Variants in ADGRD2 observed in about 807,000 individuals in gnomAD.
The protein encoded by ADGRD2 is G protein-coupled receptor PGR24.
In ADGRD2, 71 loss-of-function variants were observed where a neutral mutation model predicts 44.4. The observed-to-expected ratio is 1.60, with a 90% CI of 1.32 to 1.95. ADGRD2 has a LOEUF of 1.95. ADGRD2 is among the 30% of genes most tolerant of loss of function. ADGRD2 has a pLI of 0.00. For missense variants in ADGRD2, 1,039 were observed against 512.4 expected, an observed-to-expected ratio of 2.03 and a Z score of -9.92; for synonymous variants, 481 against 224.8, an observed-to-expected ratio of 2.14 and a Z score of -10.19.
At chr9:124,458,078 C>T (rs953429671) in intron 8 of ADGRD2, 35 bp from the exon 12 acceptor site, 7 of 717,672 alleles carry the variant, frequency 9.8e-6, no homozygotes, top group African/African-American at 3.5e-5. Flanking sequence ...GCCCAGCCAC[C>T]GGGTGGTGCC....
intron 9 of ADGRD2, 59 bp from the exon 13 acceptor site, chr9:124,458,557 G>GCAGCCAGGCACCATCCCTCCTCCA: frequency 1.4e-6 from 1 of 699,398 alleles, no homozygotes; most frequent in Non-Finnish European, 2.7e-6. Context: ...GTGACATGCC[G>GCAGCCAGGCACCATCCCTCCTCCA]CAGCCAGGCA....
exon 10 of ADGRD2, chr9:124,458,714 G>C: frequency 2.8e-6 from 2 of 718,384 alleles, no homozygotes; most frequent in Admixed American, 2.0e-5. Flanking sequence ...CTCCAGCACC[G>C]GGCCCAGGTA....
intron 17 of ADGRD2, among the ~76,000 whole-genome samples, chr9:124,471,240 T>C (rs972304376): frequency 3.3e-5 from 5 of 151,958 alleles, no homozygotes; most frequent in African/African-American, 1.2e-4. Flanking sequence ...TCCTGGCCCC[T>C]CGTTTTCCCT....
intron 8 of ADGRD2, 107 bp from the exon 12 acceptor site, chr9:124,458,006 C>T (rs765884645): frequency 4.5e-6 from 3 of 663,240 alleles, no homozygotes; most frequent in Non-Finnish European, 8.3e-6. Context: ...CCTCTCTGAG[C>T]CTCAGTTTCC....
At chr9:124,453,455 A>G (rs915589860) in exon 3 of ADGRD2, 9 of 684,314 alleles carry the variant, frequency 1.3e-5, no homozygotes, top group East Asian at 6.0e-5. Context: ...GTGCTGGGCC[A>G]GGATCAGGAC....
intron 8 of ADGRD2, 105 bp from the exon 12 acceptor site, chr9:124,458,008 T>C (rs1225498095): frequency 1.5e-6 from 1 of 665,384 alleles, no homozygotes; most frequent in Non-Finnish European, 2.8e-6. Context: ...TCTCTGAGCC[T>C]CAGTTTCCCT....
chr9:124,467,851 G>C, intron 12 of ADGRD2, 27 bp downstream of exon 15: 1 of 717,970 alleles, frequency 1.4e-6, no homozygotes, highest in South Asian at 1.5e-5. Flanking sequence ...ACTGTAGCCT[G>C]GTGGCCTGGG....
At chr9:124,464,238 A>C (rs1405579868) in intron 10 of ADGRD2, among the ~76,000 whole-genome samples, 3 of 152,196 alleles carry the variant, frequency 2.0e-5, no homozygotes, top group Non-Finnish European at 4.4e-5. Flanking sequence ...ACACATTCAG[A>C]AAATATAGAA....
At chr9:124,452,293 G>A in intron 1 of ADGRD2, 139 bp downstream of exon 4, 3 of 634,094 alleles carry the variant, frequency 4.7e-6, no homozygotes, top group African/African-American at 3.6e-5. Flanking sequence ...CAGGCCCTGC[G>A]AGGAACGCTT....
intron 1 of ADGRD2, 31 bp downstream of exon 4, chr9:124,452,185 C>G: frequency 5.8e-6 from 4 of 691,846 alleles, no homozygotes; most frequent in Non-Finnish European, 1.1e-5. Context: ...CAGGGAGGGT[C>G]CCAGTCCCCC....
chr9:124,475,602 A>C, exon 19 of ADGRD2: 2 of 638,176 alleles, frequency 3.1e-6, no homozygotes, highest in Admixed American at 2.2e-5. Flanking sequence ...ATGGCTGAGA[A>C]GAAGGTGGCC....
chr9:124,472,211 C>T (rs910687899), intron 17 of ADGRD2, among the ~76,000 whole-genome samples: 1 of 152,218 alleles, frequency 6.6e-6, no homozygotes, highest in African/African-American at 2.4e-5. Flanking sequence ...TCTCAGATCC[C>T]TCCCTTCAGT....
upstream of ADGRD2, chr9:124,451,997 G>GCCGGGGGGGGCCCCCC: frequency 2.8e-6 from 1 of 360,938 alleles, no homozygotes. Flanking sequence ...TCCACTGAAT[G>GCCGGGGGGGGCCCCCC]CCCCCCTCCC....
chr9:124,470,454 G>A (rs887701324), intron 16 of ADGRD2, 40 bp from the exon 20 acceptor site: 1 of 697,288 alleles, frequency 1.4e-6, no homozygotes, highest in Non-Finnish European at 2.6e-6. Flanking sequence ...GAGCTCCCCA[G>A]GCCTCCCAAC....
At chr9:124,451,888 C>T (rs987405342), upstream of ADGRD2, among the ~76,000 whole-genome samples, 2 of 152,214 alleles carry the variant, frequency 1.3e-5, no homozygotes, top group African/African-American at 4.8e-5. Flanking sequence ...CTGTTTACTC[C>T]TCACACAGGG....
Position 124,453,798 on chromosome 9 carries a change from C to T in ADGRD2, c.923+122C>T, listed in dbSNP as rs545443624. The T allele has an allele frequency of 5.4e-5, 33 of 612,976 alleles. 1 individual carries two copies. Among genetic ancestry groups the T allele is most frequent in the South Asian group, 5.3e-4 (28 of 53,290 alleles). 38.0% of individuals were successfully genotyped at this position (612,976 alleles called of 1,614,324 possible). A position where few individuals can be genotyped will look rare whatever the true frequency, so the allele number is the denominator to read the frequency against. Reference sequence around the variant, plus strand: ...AGCTCTGGCCACGCCCTCTCCAGGCCGCAGTGCCTGCAAGCTCCAGCATAA... The same window carrying T: ...AGCTCTGGCCACGCCCTCTCCAGGCTGCAGTGCCTGCAAGCTCCAGCATAA... On this transcript the variant is annotated intron_variant, in intron 3 of 21. Coordinates refer to ENST00000334810, the Ensembl canonical transcript of ADGRD2.
chr9:124,454,809 C>T lies in ADGRD2; in HGVS notation c.1109-34C>T. 1.5e-6 allele frequency: 1 copy of T among 657,488 alleles called. No homozygotes were observed. Among genetic ancestry groups the T allele is most frequent in the Non-Finnish European group, 2.8e-6 (1 of 358,056 alleles). 40.7% of individuals were successfully genotyped at this position (657,488 alleles called of 1,614,324 possible). A position where few individuals can be genotyped will look rare whatever the true frequency, so the allele number is the denominator to read the frequency against. ...CCTTGGGGGGATCCCCTCATAACAA[C>T]CAGACCCAGAGTCAGTGGCTCCTCT... is the stretch of plus-strand genomic sequence containing the variant. On this transcript the variant is annotated intron_variant, in intron 5 of 21. Transcript: ENST00000334810. The surrounding 1 kb of genome is among the most constrained non-coding windows in gnomAD (Gnocchi z 4.5).
chr9:124,475,739 C>T (rs1832038794), intron 19 of ADGRD2, 124 bp downstream of exon 22: 1 of 552,708 alleles, frequency 1.8e-6, no homozygotes, highest in Non-Finnish European at 3.2e-6. Context: ...CTGAGGCCCC[C>T]AGGCCCCTGG....
At chr9:124,467,651 A>G in intron 11 of ADGRD2, 70 bp from the exon 15 acceptor site, 1 of 705,582 alleles carries the variant, frequency 1.4e-6, no homozygotes. Context: ...TAGAGTCACC[A>G]GGTGGGGCGA....
Sources: gnomAD v4.1 joint callset for allele counts (sites outside exome capture counted in the v4.1 genomes callset) on GRCh38, gnomAD v4.1.1 for gene constraint, Gnocchi (gnomAD v3.1) non-coding constraint, MANE v1.5 for transcripts, NCBI Gene and HGNC (gene_info 2026-07-23, HGNC 2026-07-21) for gene names.